MAP3K9: variants seen among roughly 807,000 people sequenced by gnomAD.
MAP3K9 encodes the protein mixed lineage kinase 1 (tyr and ser/thr specificity).
A neutral mutation model predicts 95.8 loss-of-function variants in MAP3K9; 46 were observed. The observed-to-expected ratio is 0.48, with a 90% confidence interval of 0.38 to 0.61. The LOEUF (loss-of-function observed/expected upper bound fraction) is 0.61. MAP3K9 is among the 20% of genes least tolerant of loss of function. The pLI is 0.00. For synonymous variants in MAP3K9, 533 were observed against 593.8 expected (o/e 0.90, Z 1.49); for missense variants, 1,296 against 1,474.3 (o/e 0.88, Z 1.98).
At position 70,807,327 on chromosome 14, in the gene MAP3K9, T is replaced by C. The variant is rs141741224; in HGVS notation, c.406+1439A>G. ...CCAATATGGTGAACCTCATCTCTAC[T>C]AAAAATGCAAAAATTAGCCAGGCAT... On this transcript the variant is annotated intron_variant, in intron 1 of 11. Coordinates refer to ENST00000554752, the MANE Select transcript of MAP3K9 (RefSeq NM_001284230.2). Among the ~76,000 whole-genome samples the C allele has an allele frequency of 8.2e-3, 1,253 of 152,184 alleles. 6 individuals are homozygous for C. Among genetic ancestry groups the C allele is most frequent in the Non-Finnish European group, 0.013 (873 of 68,000 alleles).
At chr14:70,755,190 C>T (rs928556762) in intron 3 of MAP3K9, among the ~76,000 whole-genome samples, 3 of 152,226 alleles carry the variant, frequency 2.0e-5, no homozygotes, top group African/African-American at 7.2e-5. Context: ...ATTCCACAGA[C>T]ACTTCTTGAA....
chr14:70,794,253 C>T (rs1228607692), intron 2 of MAP3K9, among the ~76,000 whole-genome samples: 1 of 152,190 alleles, frequency 6.6e-6, no homozygotes. Flanking sequence ...GACAGGTGTG[C>T]CTAGCCCCAA....
At chr14:70,752,308 GT>G (rs1279929155) in intron 3 of MAP3K9, among the ~76,000 whole-genome samples, 3 of 152,170 alleles carry the variant, frequency 2.0e-5, no homozygotes, top group African/African-American at 7.2e-5. Flanking sequence ...AGGGAGAAAT[GT>G]TTTTAATCTT....
intron 3 of MAP3K9, among the ~76,000 whole-genome samples, chr14:70,758,323 A>C (rs559699517): frequency 1.3e-5 from 2 of 152,348 alleles, no homozygotes; most frequent in Admixed American, 1.3e-4. Context: ...TGCAAATCAA[A>C]ATCACAACAA....
chr14:70,801,363 T>C (rs17177173), intron 1 of MAP3K9, among the ~76,000 whole-genome samples: 3,558 of 152,346 alleles, frequency 0.023, 54 homozygotes, highest in Middle Eastern at 0.037. Context: ...AAACCAACTA[T>C]TGTCACTAAA....
chr14:70,762,036 T>C (rs2054382798), intron 2 of MAP3K9, among the ~76,000 whole-genome samples: 1 of 152,226 alleles, frequency 6.6e-6, no homozygotes, highest in South Asian at 2.1e-4. Flanking sequence ...CTTATTTCAC[T>C]GAACATGTTT....
At chr14:70,791,936 G>T (rs1012839703) in intron 2 of MAP3K9, among the ~76,000 whole-genome samples, 2 of 152,166 alleles carry the variant, frequency 1.3e-5, no homozygotes, top group Non-Finnish European at 2.9e-5. Flanking sequence ...GCAGGAGATG[G>T]CCACAAAGGC....
intron 2 of MAP3K9, among the ~76,000 whole-genome samples, chr14:70,784,808 C>T (rs1204318366): frequency 6.6e-6 from 1 of 152,152 alleles, no homozygotes; most frequent in Non-Finnish European, 1.5e-5. Flanking sequence ...AAATGAGAAA[C>T]TAGCTCTCAG....
chr14:70,746,563 AC>A (rs1461521153), intron 5 of MAP3K9, among the ~76,000 whole-genome samples: 1 of 152,208 alleles, frequency 6.6e-6, no homozygotes, highest in Admixed American at 6.5e-5. Flanking sequence ...TCTGGAACAA[AC>A]TGCCTGTTCA....
At chr14:70,753,783 G>A (rs553740611) in intron 3 of MAP3K9, among the ~76,000 whole-genome samples, 4 of 152,230 alleles carry the variant, frequency 2.6e-5, no homozygotes, top group South Asian at 2.1e-4. Flanking sequence ...ACCACCTCCC[G>A]AGGCTTGGTA....
At chr14:70,797,435 T>A (rs2054876573) in intron 2 of MAP3K9, among the ~76,000 whole-genome samples, 1 of 151,176 alleles carries the variant, frequency 6.6e-6, no homozygotes, top group South Asian at 2.1e-4. Context: ...ATAATAATAA[T>A]AATAAAATTT....
intron 2 of MAP3K9, among the ~76,000 whole-genome samples, chr14:70,763,386 C>A (rs568576602): frequency 1.3e-5 from 2 of 152,292 alleles, no homozygotes; most frequent in Non-Finnish European, 2.9e-5. Context: ...TGTCATGGCA[C>A]CATGTATTCT....
At chr14:70,768,153 T>C (rs887409214) in intron 2 of MAP3K9, among the ~76,000 whole-genome samples, 3 of 152,154 alleles carry the variant, frequency 2.0e-5, no homozygotes, top group Non-Finnish European at 2.9e-5. Flanking sequence ...TAAAGTATAA[T>C]TGAGCTGCTT....
Position 70,788,803 on chromosome 14 carries a change from C to T in MAP3K9, c.820+11864G>A, listed in dbSNP as rs2054775885. On this transcript the variant is annotated intron_variant, in intron 2 of 11. Transcript: ENST00000554752. ...AGCTGTAGGAAACAAAGCTCTTATA[C>T]AGAGATGAAAAAGGGCCAGACATGC... Among the ~76,000 whole-genome samples the T allele has an allele frequency of 2.6e-5, 4 of 152,156 alleles. 1 individual carries two copies. The highest frequency in any genetic ancestry group is 2.6e-4 in the Admixed American group (4 of 15,270).
chr14:70,782,498 A>C (rs1443373859), intron 2 of MAP3K9, among the ~76,000 whole-genome samples: 1 of 152,198 alleles, frequency 6.6e-6, no homozygotes, highest in Non-Finnish European at 1.5e-5. Flanking sequence ...CTTGCAGGCA[A>C]GGAAGTCCCA....
chr14:70,740,053 C>T lies in MAP3K9; in HGVS notation c.1679G>A (p.Arg560Gln). Residue 560 changes from arginine (R) to glutamine (Q), a missense_variant, in exon 7 of 12, where the codon CGA (arginine) becomes CAA (glutamine). Arg to Gln is a conservative substitution (Grantham distance 43). Coordinates refer to ENST00000554752, the MANE Select transcript of MAP3K9 (RefSeq NM_001284230.2). ...GGAAACAGTCTCACACTGGATGGCT[C>T]GAAGGCGAGGAATGATGGTGGGGCT... Reference protein sequence around the residue: ...PASPTIIPRLRAIQLTPGESS... With the variant: ...PASPTIIPRLQAIQLTPGESS... The T allele has an allele frequency of 2.5e-6, 4 of 1,614,008 alleles. No homozygotes were observed. Among genetic ancestry groups the T allele is most frequent in the East Asian group, 2.2e-5 (1 of 44,882 alleles).
rs560713687 is a variant in MAP3K9 at position 70,730,508 on chromosome 14, T to A, written c.3187A>T (p.Thr1063Ser). 1.2e-6 allele frequency: 2 copies of A among 1,614,020 alleles called. No homozygotes were observed. Among genetic ancestry groups the A allele is most frequent in the South Asian group, 2.2e-5 (2 of 91,078 alleles). Residue 1063 changes from threonine (T) to serine (S), a missense_variant, in exon 12 of 12, where the codon ACT (threonine) becomes TCT (serine). Transcript: ENST00000554752. ...LPFQAGPLPP[T>S]ERTLLDLDAE... ...TCCAGGTCCAGGAGCGTCCGCTCAGTCGGGGGCAGCGGCCCTGCCTGGAAC... is the reference window on the plus strand; with the variant it reads ...TCCAGGTCCAGGAGCGTCCGCTCAGACGGGGGCAGCGGCCCTGCCTGGAAC...
chr14:70,752,765 A>C (rs1368983455), intron 3 of MAP3K9, among the ~76,000 whole-genome samples: 1 of 151,838 alleles, frequency 6.6e-6, no homozygotes, highest in African/African-American at 2.4e-5. Context: ...AGATCCAAAT[A>C]TGTTCTGTTT....
At chr14:70,804,691 A>G (rs1443335888) in intron 1 of MAP3K9, among the ~76,000 whole-genome samples, 2 of 141,468 alleles carry the variant, frequency 1.4e-5, no homozygotes, top group African/African-American at 5.3e-5. Flanking sequence ...GATTGAAAAA[A>G]TAAATGCAGG....
Sources: allele counts gnomAD v4.1 joint callset (sites outside exome capture counted in the v4.1 genomes callset), GRCh38; gene constraint gnomAD v4.1.1; transcripts MANE v1.5; gene names NCBI Gene and HGNC (gene_info 2026-07-23, HGNC 2026-07-21).